Variants in DLG1 observed in about 807,000 individuals in gnomAD.
DLG1 encodes the protein disks large homolog 1.
In DLG1, 42 loss-of-function variants were observed where a neutral mutation model predicts 123.4. That is an observed-to-expected ratio of 0.34 (90% confidence interval 0.27 to 0.44). DLG1 has a LOEUF of 0.44. Among genes scored for constraint, DLG1 ranks in the 20% least tolerant of loss-of-function variants. The probability of loss-of-function intolerance (pLI) is 1.00; values close to 1 mark genes in which losing one functional copy is unlikely to be tolerated. For synonymous variants in DLG1, 317 were observed against 356.2 expected, an observed-to-expected ratio of 0.89 and a Z score of 1.24; for missense variants, 942 against 1,082.6, an observed-to-expected ratio of 0.87 and a Z score of 1.82.
chr3:197,086,720 G>C (rs1201679685), intron 15 of DLG1, among the ~76,000 whole-genome samples: 1 of 152,056 alleles, frequency 6.6e-6, no homozygotes, highest in Non-Finnish European at 1.5e-5. Context: ...GGAAGCAGGG[G>C]GGATCGTTAA....
chr3:197,273,183 A>AAT (rs986524646), intron 4 of DLG1, among the ~76,000 whole-genome samples: 3 of 125,106 alleles, frequency 2.4e-5, no homozygotes, highest in African/African-American at 6.2e-5. Context: ...TGGTACACTG[A>AAT]ATATATGTGT....
rs575130924 is a variant in DLG1, at chr3:197,130,150, T to C, written c.1165+377A>G. Reference sequence around the variant, plus strand: ...TAAAGCAAAGCCCAATAAAATGAGGTATGCCTGTACTTTGCTTGTTAATAG... The same window carrying C: ...TAAAGCAAAGCCCAATAAAATGAGGCATGCCTGTACTTTGCTTGTTAATAG... On this transcript the variant is annotated intron_variant, in intron 11 of 24. Coordinates refer to ENST00000667157, the MANE Select transcript of DLG1 (RefSeq NM_001366207.1). 3.3e-5 allele frequency among the ~76,000 whole-genome samples: 5 copies of C among 152,222 alleles called. No homozygotes were observed. The East Asian group carries it at 7.7e-4, about 24-fold the overall frequency.
At chr3:197,119,206 G>C (rs1774962728) in intron 12 of DLG1, among the ~76,000 whole-genome samples, 2 of 152,072 alleles carry the variant, frequency 1.3e-5, no homozygotes, top group Admixed American at 1.3e-4. Flanking sequence ...TTTTAAAAAA[G>C]GAGTGGTAAT....
At chr3:197,192,268 C>T (rs1720017222) in intron 5 of DLG1, among the ~76,000 whole-genome samples, 1 of 151,900 alleles carries the variant, frequency 6.6e-6, no homozygotes, top group African/African-American at 2.4e-5. Context: ...TAACAAAAAA[C>T]AAATCACATC....
intron 16 of DLG1, among the ~76,000 whole-genome samples, chr3:197,082,920 GCAC>G (rs1448333044): frequency 3.3e-5 from 5 of 152,082 alleles, no homozygotes; most frequent in African/African-American, 9.7e-5. Context: ...TTGGGTGTAG[GCAC>G]AGAAAGCCTT....
intron 12 of DLG1, among the ~76,000 whole-genome samples, chr3:197,116,930 TC>T (rs1364539628): frequency 1.2e-4 from 18 of 152,158 alleles, no homozygotes; most frequent in Admixed American, 1.2e-3. Context: ...GATGGTGAAT[TC>T]CGGATTTACT....
rs145921483 is a variant in DLG1, at chr3:197,280,228, T to C, written c.318+2451A>G. On this transcript the variant is annotated intron_variant, in intron 4 of 24. Transcript: ENST00000667157. The stretch of plus-strand genomic sequence containing the variant: ...TTAGCTCCCACATGAGAACATGTGA[T>C]ATTTATCTTTCTGTGCCTGGCTTAA... 2.4e-4 allele frequency among the ~76,000 whole-genome samples: 36 copies of C among 152,318 alleles called. No individual in the cohort carries two copies. In the East Asian group the frequency reaches 6.7e-3, roughly 29 times the overall value.
chr3:197,046,523 G>A (rs1203531523), intron 24 of DLG1, among the ~76,000 whole-genome samples: 4 of 152,074 alleles, frequency 2.6e-5, no homozygotes, highest in African/African-American at 7.3e-5. Context: ...AACCTAAATC[G>A]AATTATGAGA....
At chr3:197,210,623 T>TTATA (rs370542105) in intron 4 of DLG1, among the ~76,000 whole-genome samples, 1 of 140,422 alleles carries the variant, frequency 7.1e-6, no homozygotes, top group Non-Finnish European at 1.6e-5. Flanking sequence ...CCTCTCAAAT[T>TTATA]TATATATATA....
intron 22 of DLG1, 62 bp from the exon 23 acceptor site, chr3:197,060,060 G>GTACTT: frequency 8.2e-7 from 1 of 1,217,222 alleles, no homozygotes; most frequent in African/African-American, 1.5e-5. Context: ...AATATCAAAG[G>GTACTT]TACTTTTCCT....
At chr3:197,281,032 T>G (rs1343989718) in intron 4 of DLG1, among the ~76,000 whole-genome samples, 2 of 151,304 alleles carry the variant, frequency 1.3e-5, no homozygotes, top group Admixed American at 6.6e-5. Flanking sequence ...CTTTTTTTTT[T>G]TTTTTTTTGA....
At chr3:197,053,774 T>TGAAAAA (rs1553867223) in intron 23 of DLG1, among the ~76,000 whole-genome samples, 1 of 97,316 alleles carries the variant, frequency 1.0e-5, no homozygotes, top group African/African-American at 3.8e-5. Context: ...CCCTGTCTCA[T>TGAAAAA]AAAAAAAAAA....
intron 13 of DLG1, among the ~76,000 whole-genome samples, chr3:197,112,109 G>A (rs1221725735): frequency 2.0e-5 from 3 of 152,194 alleles, no homozygotes; most frequent in African/African-American, 4.8e-5. Flanking sequence ...AGTAGTGAAT[G>A]AGGGTTGTAG....
intron 4 of DLG1, among the ~76,000 whole-genome samples, chr3:197,255,375 C>T (rs1756367679): frequency 6.6e-6 from 1 of 152,098 alleles, no homozygotes; most frequent in Non-Finnish European, 1.5e-5. Flanking sequence ...GTAAAGTCAC[C>T]ACTTTGTAAT....
intron 19 of DLG1, chr3:197,068,405 C>CT: frequency 2.5e-6 from 2 of 803,428 alleles, no homozygotes; most frequent in Non-Finnish European, 3.9e-6. Context: ...CATTAAGTAA[C>CT]TATTGTGTAG....
intron 4 of DLG1, among the ~76,000 whole-genome samples, chr3:197,241,876 C>G (rs1265196401): frequency 1.3e-5 from 2 of 151,954 alleles, no homozygotes; most frequent in African/African-American, 2.4e-5. Flanking sequence ...TTAAAACATA[C>G]CACCAGAGAA....
chr3:197,237,468 T>C (rs1393645437), intron 4 of DLG1, among the ~76,000 whole-genome samples: 2 of 152,134 alleles, frequency 1.3e-5, no homozygotes, highest in Non-Finnish European at 1.5e-5. Flanking sequence ...CCTAGCAAGA[T>C]ACAACTTTTA....
chr3:197,228,425 T>C (rs1038118804), intron 4 of DLG1, among the ~76,000 whole-genome samples: 17 of 152,378 alleles, frequency 1.1e-4, no homozygotes, highest in East Asian at 1.9e-4. Flanking sequence ...CCTTATTCAG[T>C]TGGTTACACA....
At chr3:197,231,768 C>T (rs1287552153) in intron 4 of DLG1, among the ~76,000 whole-genome samples, 2 of 151,678 alleles carry the variant, frequency 1.3e-5, no homozygotes, top group Non-Finnish European at 2.9e-5. Context: ...TGCTACTCTG[C>T]CAAATAAAAT....
Sources: gnomAD v4.1 joint callset for allele counts (sites outside exome capture counted in the v4.1 genomes callset) on GRCh38, gnomAD v4.1.1 for gene constraint, MANE v1.5 for transcripts, NCBI Gene and HGNC (gene_info 2026-07-23, HGNC 2026-07-21) for gene names.